FKTN: variants seen among roughly 807,000 people sequenced by gnomAD.
FKTN encodes ribitol-5-phosphate transferase FKTN.
Under a neutral mutation model 58.6 loss-of-function variants are expected in FKTN, and 47 were observed. The observed-to-expected ratio is 0.80, with a 90% CI of 0.63 to 1.02. The LOEUF (loss-of-function observed/expected upper bound fraction) is 1.02. Ranked by LOEUF, FKTN falls within the 50% of genes least tolerant of loss-of-function variation. The pLI, the probability that FKTN is intolerant of heterozygous loss-of-function variation, is 0.00. For missense variants in FKTN, 516 were observed against 537.3 expected, an observed-to-expected ratio of 0.96 and a Z score of 0.39; for synonymous variants, 178 against 191.9, an observed-to-expected ratio of 0.93 and a Z score of 0.60.
chr9:105,636,021 G>A lies in FKTN; in HGVS notation c.*757G>A, dbSNP rs1386256709. 21 of 985,310 alleles carry A rather than the reference G, an allele frequency of 2.1e-5. No homozygotes were observed. The highest frequency in any genetic ancestry group is 2.5e-5 in the Non-Finnish European group (21 of 829,956). 61.0% of individuals were successfully genotyped at this position (985,310 alleles called of 1,614,324 possible). A position where few individuals can be genotyped will look rare whatever the true frequency, so the allele number is the denominator to read the frequency against. On this transcript the variant is annotated 3_prime_UTR_variant, in exon 11 of 11. Transcript: ENST00000357998. The stretch of plus-strand genomic sequence containing the variant: ...TCACTGACCTCTGATGGCACTTGTT[G>A]ACAAATCATTCAAGTGAGACCATGT...
chr9:105,581,205 G>C (rs1285654549), intron 3 of FKTN, among the ~76,000 whole-genome samples: 1 of 149,846 alleles, frequency 6.7e-6, no homozygotes, highest in Non-Finnish European at 1.5e-5. Context: ...TTCCGTTGCT[G>C]GTGAGGAACT....
chr9:105,635,200 C>T lies in FKTN; in HGVS notation c.1322C>T (p.Pro441Leu). 6.2e-7 allele frequency: 1 copy of T among 1,614,176 alleles called. No individual in the cohort carries two copies. The highest frequency in any genetic ancestry group is 8.5e-7 in the Non-Finnish European group (1 of 1,180,026). The change falls in exon 11 of 11, where the codon CCC becomes CTC. Residue 441 changes from proline to leucine, a missense_variant. Physicochemically the swap from Pro to Leu is moderately conservative, Grantham distance 98. Coordinates refer to ENST00000357998, the MANE Select transcript of FKTN (RefSeq NM_001079802.2). ...ACGTGGGACTGGAAGCGCTCTCCTC[C>T]CAATGTGCAACCCAATGGAATCTGG... is the stretch of plus-strand genomic sequence containing the variant. ...VKTWDWKRSP[P>L]NVQPNGIWPI...
intron 3 of FKTN, among the ~76,000 whole-genome samples, chr9:105,591,366 C>T (rs898247941): frequency 9.9e-5 from 15 of 152,170 alleles, no homozygotes; most frequent in African/African-American, 2.2e-4. Context: ...TCCCAAGATT[C>T]GATGGGGGTA....
At position 105,639,830 on chromosome 9, in the gene FKTN, T is replaced by C. The variant is rs958053313; in HGVS notation, c.*4566T>C. ...TCCCATATGCTACCTAGTTTGCTGG[T>C]CCCAAGCAGTTTACTGTACTTCACT... On this transcript the variant is annotated 3_prime_UTR_variant, in exon 11 of 11. Transcript: ENST00000357998. 3 of 1,275,852 alleles carry C rather than the reference T, an allele frequency of 2.4e-6. No homozygotes were observed. The highest frequency in any genetic ancestry group is 3.7e-5 in the Admixed American group (1 of 27,294). 79.0% of individuals were successfully genotyped at this position (1,275,852 alleles called of 1,614,324 possible). A position where few individuals can be genotyped will look rare whatever the true frequency, so the allele number is the denominator to read the frequency against.
chr9:105,570,962 C>T (rs1840635790), intron 1 of FKTN, among the ~76,000 whole-genome samples: 1 of 152,116 alleles, frequency 6.6e-6, no homozygotes, highest in South Asian at 2.1e-4. Context: ...CATGCAAAAA[C>T]CATAGACTAT....
rs1834152479 is a variant in FKTN, at chr9:105,637,899, C to T, written c.*2635C>T. 1.0e-6 allele frequency: 1 copy of T among 985,282 alleles called. No homozygotes were observed. Among genetic ancestry groups the T allele is most frequent in the Non-Finnish European group, 1.2e-6 (1 of 829,884 alleles). The allele number at this position is 985,282 out of a possible 1,614,324, so 61.0% of individuals were successfully genotyped here. A position where few individuals can be genotyped will look rare whatever the true frequency, so the allele number is the denominator to read the frequency against. ...ACCATAGTTCCTAAAATTGAGCATCCCTAAGAGTAGCTGCTTGGTGGGACA... is the reference window on the plus strand; with the variant it reads ...ACCATAGTTCCTAAAATTGAGCATCTCTAAGAGTAGCTGCTTGGTGGGACA... On this transcript the variant is annotated 3_prime_UTR_variant, in exon 11 of 11. Transcript: ENST00000357998.
Position 105,625,727 on chromosome 9 carries a change from G to A in FKTN, c.1172+5666G>A, listed in dbSNP as rs369290159. ...AGCTAGAGAAAAATTAGGAAATAGTGGATTATTATGTTTTTAATTGAAGTG... is the reference window on the plus strand; with the variant it reads ...AGCTAGAGAAAAATTAGGAAATAGTAGATTATTATGTTTTTAATTGAAGTG... On this transcript the variant is annotated intron_variant, in intron 10 of 10. Coordinates refer to ENST00000357998, the MANE Select transcript of FKTN (RefSeq NM_001079802.2). Among the ~76,000 whole-genome samples, 6 of 152,012 alleles carry A rather than the reference G, an allele frequency of 3.9e-5. 1 individual carries two copies. Among genetic ancestry groups the A allele is most frequent in the African/African-American group, 1.4e-4 (6 of 41,452 alleles).
chr9:105,628,311 G>A (rs78961648), intron 10 of FKTN, among the ~76,000 whole-genome samples: 6 of 151,990 alleles, frequency 3.9e-5, no homozygotes, highest in South Asian at 2.1e-4. Context: ...CCTCCAAACC[G>A]CTAGTAAGTA....
intron 10 of FKTN, among the ~76,000 whole-genome samples, chr9:105,622,622 C>G (rs377144280): frequency 1.3e-5 from 2 of 152,016 alleles, no homozygotes; most frequent in Non-Finnish European, 2.9e-5. Context: ...GTAACTTACT[C>G]GAGGCTTTTG....
rs1259003241 is a variant in FKTN at position 105,636,453 on chromosome 9, CA to C, written c.*1190del. 1 of 989,248 alleles carries C rather than the reference CA, an allele frequency of 1.0e-6. No individual in the cohort carries two copies. Among genetic ancestry groups the C allele is most frequent in the Non-Finnish European group, 1.2e-6 (1 of 832,082 alleles). 61.3% of individuals were successfully genotyped at this position (989,248 alleles called of 1,614,324 possible). ...AAGTTTGTGTCCCTCCCCAGTTTTT[CA>C]GTCTGTTGAATGTCGATGGGGCAAG... On this transcript the variant is annotated 3_prime_UTR_variant, in exon 11 of 11. Coordinates refer to ENST00000357998, the MANE Select transcript of FKTN (RefSeq NM_001079802.2).
chr9:105,626,974 CT>C (rs1832813447), intron 10 of FKTN, among the ~76,000 whole-genome samples: 2 of 127,858 alleles, frequency 1.6e-5, no homozygotes, highest in Non-Finnish European at 3.1e-5. Flanking sequence ...TGCCTTTCTT[CT>C]TTATTCTTTT....
At chr9:105,579,086 A>G (rs1842352112) in intron 3 of FKTN, among the ~76,000 whole-genome samples, 1 of 151,800 alleles carries the variant, frequency 6.6e-6, no homozygotes, top group Admixed American at 6.6e-5. Context: ...CTAGTGGTCT[A>G]TCAATTTTGT....
chr9:105,640,473 A>G lies in FKTN; in HGVS notation c.*5209A>G, dbSNP rs187571166. 1 of 175,006 alleles carries G rather than the reference A, an allele frequency of 5.7e-6. No homozygotes were observed. Among genetic ancestry groups the G allele is most frequent in the East Asian group, 1.5e-4 (1 of 6,858 alleles). The allele number at this position is 175,006 out of a possible 1,614,324, so 10.8% of individuals were successfully genotyped here. On this transcript the variant is annotated 3_prime_UTR_variant, in exon 11 of 11. Transcript: ENST00000357998. ...GAGGCTGAGGCAGGAGAATCACTTG[A>G]ACCCGGGAAGCAGAGTCTGCAGTGA...
chr9:105,567,053 A>T (rs960219085), intron 1 of FKTN, among the ~76,000 whole-genome samples: 1 of 152,330 alleles, frequency 6.6e-6, no homozygotes, highest in South Asian at 2.1e-4. Context: ...GCCACATAAG[A>T]TTATCTCAAT....
chr9:105,559,420 G>A (rs957043505), intron 1 of FKTN, among the ~76,000 whole-genome samples: 1 of 152,216 alleles, frequency 6.6e-6, no homozygotes, highest in Admixed American at 6.5e-5. Context: ...GGTGGCTCAC[G>A]CCTGTAATCC....
intron 10 of FKTN, among the ~76,000 whole-genome samples, chr9:105,626,741 C>T (rs548792570): frequency 5.9e-5 from 9 of 152,240 alleles, no homozygotes; most frequent in South Asian, 2.1e-4. Context: ...TTTTTACCAA[C>T]GCTTGGCATT....
intron 8 of FKTN, among the ~76,000 whole-genome samples, chr9:105,616,475 C>G (rs1056822261): frequency 2.6e-5 from 4 of 152,212 alleles, no homozygotes; most frequent in African/African-American, 9.6e-5. Context: ...TTTCTACAGT[C>G]CTTAAGCAGG....
chr9:105,598,185 T>G (rs1178438753), intron 4 of FKTN: 1 of 465,232 alleles, frequency 2.1e-6, no homozygotes, highest in Non-Finnish European at 4.4e-6. Flanking sequence ...CCACATTCAG[T>G]GAGTTCTCTT....
At chr9:105,601,631 C>T (rs1223831436) in intron 5 of FKTN, among the ~76,000 whole-genome samples, 2 of 152,092 alleles carry the variant, frequency 1.3e-5, no homozygotes, top group Non-Finnish European at 2.9e-5. Context: ...TATTCATTTA[C>T]CTCATTATCA....
Sources: allele counts gnomAD v4.1 joint callset (sites outside exome capture counted in the v4.1 genomes callset), GRCh38; gene constraint gnomAD v4.1.1; transcripts MANE v1.5; gene names NCBI Gene and HGNC (gene_info 2026-07-23, HGNC 2026-07-21).